The following TMEM131 variants were observed in gnomAD, a reference collection of about 807,000 sequenced individuals.
TMEM131 encodes transmembrane protein 131, also known as 2610524E03Rik.
TMEM131 carries 66 observed loss-of-function variants against 211.6 expected under a neutral mutation model. The observed-to-expected ratio is 0.31, with a 90% confidence interval of 0.26 to 0.38. TMEM131 has a LOEUF of 0.38. Among genes scored for constraint, TMEM131 ranks in the 10% least tolerant of loss-of-function variants. The pLI is 1.00. For synonymous variants in TMEM131, 844 were observed against 841.3 expected (o/e 1.00, Z -0.06); for missense variants, 2,036 against 2,299.3 (o/e 0.89, Z 2.34).
At chr2:97,911,085 T>C (rs1403843212) in intron 2 of TMEM131, among the ~76,000 whole-genome samples, 1 of 152,162 alleles carries the variant, frequency 6.6e-6, no homozygotes, top group Non-Finnish European at 1.5e-5. Context: ...TTGTGTTATA[T>C]CCGTACAATG....
intron 19 of TMEM131, among the ~76,000 whole-genome samples, chr2:97,807,846 T>C (rs913761565): frequency 1.3e-5 from 2 of 152,222 alleles, no homozygotes; most frequent in African/African-American, 4.8e-5. Flanking sequence ...GAGTTTAGTA[T>C]AGTCAGTACA....
chr2:97,889,602 C>T (rs1306606666), intron 3 of TMEM131, among the ~76,000 whole-genome samples: 1 of 148,158 alleles, frequency 6.7e-6, no homozygotes, highest in Non-Finnish European at 1.5e-5. Context: ...ATATATATTC[C>T]TATATATAAT....
Position 97,796,258 on chromosome 2 carries a change from A to T in TMEM131, c.3160T>A (p.Phe1054Ile). ...YGFKVVNCQE[F>I]TLSANASRDI... is the part of the protein sequence containing the mutation. ...CTAGAAGCATTGGCACTTAGAGTAA[A>T]CTCTTGACAATTAACAACTTTAAAG... Residue 1054 changes from phenylalanine to isoleucine, a missense_variant, in exon 28 of 41, where the codon TTT (phenylalanine) becomes ATT (isoleucine). Physicochemically the swap from Phe to Ile is conservative, Grantham distance 21 (BLOSUM62 0). This residue lies in a region of TMEM131 where 1,623 missense variants were observed against 1,805.9 expected (regional missense o/e 0.90). Transcript: ENST00000186436. 1 of 1,570,360 alleles carries T rather than the reference A, an allele frequency of 6.4e-7. No individual in the cohort carries two copies. Among genetic ancestry groups the T allele is most frequent in the Non-Finnish European group, 8.6e-7 (1 of 1,156,144 alleles).
chr2:97,907,178 G>C (rs116048525), intron 3 of TMEM131: 382 of 152,280 alleles, frequency 2.5e-3, no homozygotes, highest in African/African-American at 8.7e-3. Context: ...AGCCAAGGAG[G>C]AATCAGGCTA....
intron 17 of TMEM131, among the ~76,000 whole-genome samples, chr2:97,811,731 G>A (rs1681557160): frequency 6.6e-6 from 1 of 152,246 alleles, no homozygotes; most frequent in Non-Finnish European, 1.5e-5. Context: ...CACTCTCTGT[G>A]TATAAGGACA....
chr2:97,871,176 C>G (rs1674475351), intron 4 of TMEM131, among the ~76,000 whole-genome samples: 1 of 152,122 alleles, frequency 6.6e-6, no homozygotes, highest in Admixed American at 6.5e-5. Flanking sequence ...CAAGTTTCTA[C>G]CCAAAGCATC....
In TMEM131 at chr2:97,968,592, G is replaced by A. The variant is rs1368567440; in HGVS notation, c.187+26884C>T. Among the ~76,000 whole-genome samples the A allele has an allele frequency of 2.0e-5, 3 of 152,254 alleles. No individual in the cohort carries two copies. The Middle Eastern group carries it at 0.01, about 518-fold the overall frequency. ...TGTTCAGACAAAAACATAAGTTTCA[G>A]GAAGTATGCCAAGCAGTGCTGACAT... is the stretch of plus-strand genomic sequence containing the variant. On this transcript the variant is annotated intron_variant, in intron 1 of 40. Coordinates refer to ENST00000186436, the MANE Select transcript of TMEM131 (RefSeq NM_015348.2).
At chr2:97,805,752 T>C in intron 19 of TMEM131, 49 bp from the exon 20 acceptor site, 1 of 1,504,442 alleles carries the variant, frequency 6.6e-7, no homozygotes, top group East Asian at 2.3e-5. Flanking sequence ...GGTTAAATTT[T>C]CTTAAGATCA....
chr2:97,922,254 G>T (rs999427139), intron 2 of TMEM131, among the ~76,000 whole-genome samples: 3 of 152,124 alleles, frequency 2.0e-5, no homozygotes, highest in Admixed American at 6.5e-5. Flanking sequence ...GAGCTCAGGA[G>T]GTAATGTTCA....
chr2:97,800,277 C>T (rs987010208), intron 25 of TMEM131, among the ~76,000 whole-genome samples: 10 of 152,108 alleles, frequency 6.6e-5, no homozygotes, highest in African/African-American at 2.4e-4. Flanking sequence ...TCTAGGACCT[C>T]CTCCTGAATT....
At chr2:97,846,342 A>G (rs1013237931) in intron 5 of TMEM131, among the ~76,000 whole-genome samples, 50 of 152,242 alleles carry the variant, frequency 3.3e-4, no homozygotes, top group African/African-American at 9.2e-4. Flanking sequence ...CGGGCAACAC[A>G]TCATGAGCAA....
chr2:97,903,246 A>C (rs1220582458), intron 3 of TMEM131, among the ~76,000 whole-genome samples: 1 of 152,156 alleles, frequency 6.6e-6, no homozygotes, highest in Non-Finnish European at 1.5e-5. Flanking sequence ...ATTGCTGGGG[A>C]CACGTAAATG....
intron 5 of TMEM131, among the ~76,000 whole-genome samples, chr2:97,858,371 T>C (rs1267746140): frequency 6.6e-6 from 1 of 152,222 alleles, no homozygotes; most frequent in Non-Finnish European, 1.5e-5. Flanking sequence ...GATACCATTT[T>C]TATTTATTTG....
At chr2:97,936,327 A>T (rs1005424715) in intron 1 of TMEM131, among the ~76,000 whole-genome samples, 1 of 152,232 alleles carries the variant, frequency 6.6e-6, no homozygotes, top group Non-Finnish European at 1.5e-5. Flanking sequence ...CTGTGTACGC[A>T]TCGGGCTCTG....
intron 2 of TMEM131, among the ~76,000 whole-genome samples, chr2:97,919,128 A>G (rs552854064): frequency 1.3e-5 from 2 of 152,210 alleles, no homozygotes; most frequent in Non-Finnish European, 2.9e-5. Context: ...GTCAAGCTTC[A>G]TAAGATTTAG....
At chr2:97,829,416 G>A (rs1682553359) in intron 11 of TMEM131, among the ~76,000 whole-genome samples, 1 of 152,038 alleles carries the variant, frequency 6.6e-6, no homozygotes, top group African/African-American at 2.4e-5. Flanking sequence ...CTAGCTAAAG[G>A]ATTGTAAATG....
intron 31 of TMEM131, 60 bp from the exon 32 acceptor site, chr2:97,776,078 G>T (rs1326024362): frequency 6.5e-7 from 1 of 1,538,160 alleles, no homozygotes; most frequent in Non-Finnish European, 8.8e-7. Context: ...TTTTGAGATG[G>T]AGTCTTGCTC....
chr2:97,921,364 T>C (rs540634999), intron 2 of TMEM131, among the ~76,000 whole-genome samples: 30 of 152,284 alleles, frequency 2.0e-4, no homozygotes, highest in African/African-American at 7.2e-4. Context: ...CAGACAGAAT[T>C]TGAGCTAACT....
chr2:97,857,225 A>G (rs890335567), intron 5 of TMEM131, among the ~76,000 whole-genome samples: 3 of 152,218 alleles, frequency 2.0e-5, no homozygotes, highest in African/African-American at 7.2e-5. Flanking sequence ...CTTGGGAATC[A>G]GCAGAACTGC....
Sources: allele counts gnomAD v4.1 joint callset (sites outside exome capture counted in the v4.1 genomes callset), GRCh38; gene constraint gnomAD v4.1.1; regional missense constraint gnomAD v4.1.1; transcripts MANE v1.5; gene names NCBI Gene and HGNC (gene_info 2026-07-23, HGNC 2026-07-21).